Variants in QTMAN observed in about 807,000 individuals in gnomAD.
QTMAN encodes the protein queuosine-tRNA mannosyltransferase.
the QTMAN span, among the ~76,000 whole-genome samples, chr2:144,141,162 C>A: frequency 6.6e-6 from 1 of 151,888 alleles, no homozygotes; most frequent in Admixed American, 6.6e-5. Flanking sequence ...TAGTGTGAGT[C>A]CCACTGAAGT....
chr2:144,272,506 A>G, the QTMAN span, among the ~76,000 whole-genome samples: 1 of 152,176 alleles, frequency 6.6e-6, no homozygotes, highest in Non-Finnish European at 1.5e-5. Flanking sequence ...ATGCCAAAAA[A>G]GACAGACCAG....
chr2:144,101,715 T>A, the QTMAN span, among the ~76,000 whole-genome samples: 3 of 151,916 alleles, frequency 2.0e-5, no homozygotes, highest in African/African-American at 7.2e-5. Context: ...TCAATAAATG[T>A]TATATATATA....
the QTMAN span, among the ~76,000 whole-genome samples, chr2:144,114,697 C>T: frequency 6.6e-6 from 1 of 151,256 alleles, no homozygotes; most frequent in Admixed American, 6.6e-5. Flanking sequence ...CAAAACAAAA[C>T]AAAACAAAAC....
the QTMAN span, among the ~76,000 whole-genome samples, chr2:144,156,814 G>A: frequency 6.6e-6 from 1 of 151,976 alleles, no homozygotes; most frequent in Non-Finnish European, 1.5e-5. Context: ...CTAACTTTCT[G>A]AGACACACTT....
the QTMAN span, among the ~76,000 whole-genome samples, chr2:144,298,836 A>C: frequency 2.0e-5 from 3 of 152,202 alleles, no homozygotes; most frequent in Non-Finnish European, 4.4e-5. Context: ...TGGGGAGCTT[A>C]TGTGCACTCT....
At chr2:143,975,261 G>A in the QTMAN span, among the ~76,000 whole-genome samples, 1 of 152,090 alleles carries the variant, frequency 6.6e-6, no homozygotes, top group African/African-American at 2.4e-5. Context: ...CATTCATTCA[G>A]TAAATATTTA....
chr2:144,150,154 G>C, the QTMAN span, among the ~76,000 whole-genome samples: 1 of 151,966 alleles, frequency 6.6e-6, no homozygotes, highest in Non-Finnish European at 1.5e-5. Flanking sequence ...CACCAGTTTG[G>C]GCTGTGTTAC....
chr2:144,152,710 T>A, the QTMAN span, among the ~76,000 whole-genome samples: 1 of 152,200 alleles, frequency 6.6e-6, no homozygotes, highest in African/African-American at 2.4e-5. Flanking sequence ...TTTTTAGACA[T>A]TCTATCAATA....
chr2:144,206,544 G>A, the QTMAN span, among the ~76,000 whole-genome samples: 2 of 152,098 alleles, frequency 1.3e-5, no homozygotes, highest in African/African-American at 2.4e-5. Context: ...CATGTCTTTG[G>A]GTTAAAGACT....
the QTMAN span, among the ~76,000 whole-genome samples, chr2:144,246,113 T>C: frequency 1.3e-5 from 2 of 152,122 alleles, no homozygotes; most frequent in South Asian, 2.1e-4. Context: ...GACAGGCATA[T>C]AGATACATAA....
At chr2:144,234,974 A>G in the QTMAN span, among the ~76,000 whole-genome samples, 2 of 152,214 alleles carry the variant, frequency 1.3e-5, no homozygotes, top group Non-Finnish European at 2.9e-5. Flanking sequence ...GGGCTCAGGT[A>G]CAATGATTTA....
At chr2:144,332,092 C>A in the QTMAN span, among the ~76,000 whole-genome samples, 3 of 152,182 alleles carry the variant, frequency 2.0e-5, no homozygotes, top group African/African-American at 7.2e-5. Flanking sequence ...GAGCGCCGGG[C>A]CGCAGAAAAC....
the QTMAN span, among the ~76,000 whole-genome samples, chr2:144,014,269 G>C: frequency 6.6e-6 from 1 of 152,176 alleles, no homozygotes; most frequent in Non-Finnish European, 1.5e-5. Context: ...TTGAATCACA[G>C]ATGAGCCAAT....
chr2:144,013,903 T>G, the QTMAN span, among the ~76,000 whole-genome samples: 1 of 152,170 alleles, frequency 6.6e-6, no homozygotes, highest in Non-Finnish European at 1.5e-5. Flanking sequence ...CTACCCTACA[T>G]GTGTCCAATA....
the QTMAN span, among the ~76,000 whole-genome samples, chr2:144,231,575 C>T: frequency 6.6e-6 from 1 of 151,948 alleles, no homozygotes; most frequent in East Asian, 1.9e-4. Flanking sequence ...TTCTATTCTA[C>T]AAAAATGAAA....
At chr2:144,226,972 A>C in the QTMAN span, among the ~76,000 whole-genome samples, 4 of 152,118 alleles carry the variant, frequency 2.6e-5, no homozygotes, top group Admixed American at 2.6e-4. Context: ...TGTAAAGATG[A>C]CCTCTTAAGA....
chr2:144,186,079 A>C, the QTMAN span, among the ~76,000 whole-genome samples: 1 of 152,334 alleles, frequency 6.6e-6, no homozygotes, highest in East Asian at 1.9e-4. Context: ...TAGACAGTCC[A>C]TCAGGTAACT....
chr2:143,964,298 TA>T, the QTMAN span: 1 of 152,042 alleles, frequency 6.6e-6, no homozygotes, highest in Non-Finnish European at 1.5e-5. Context: ...TGAATAATGA[TA>T]AAAAAATTAT....
chr2:144,226,480 G>C, the QTMAN span, among the ~76,000 whole-genome samples: 125 of 152,274 alleles, frequency 8.2e-4, 1 homozygote, highest in African/African-American at 2.3e-3. Flanking sequence ...CCAATTCTGA[G>C]TTCAAATTTA....
Sources: gnomAD v4.1 joint callset for allele counts (sites outside exome capture counted in the v4.1 genomes callset) on GRCh38, gnomAD v4.1.1 for gene constraint, MANE v1.5 for transcripts, NCBI Gene and HGNC (gene_info 2026-07-23, HGNC 2026-07-21) for gene names.